Variants in NRXN1 observed in about 807,000 individuals in gnomAD.
NRXN1 encodes neurexin 1.
Under a neutral mutation model 150.9 loss-of-function variants are expected in NRXN1, and 39 were observed. The ratio of observed to expected loss-of-function variants is 0.26; its 90% CI spans 0.20 to 0.34. The LOEUF (loss-of-function observed/expected upper bound fraction) is 0.34. NRXN1 is among the 10% of genes least tolerant of loss of function. NRXN1 has a pLI of 1.00. For synonymous variants in NRXN1, 924 were observed against 757.0 expected, an observed-to-expected ratio of 1.22 and a Z score of -3.62; for missense variants, 1,815 against 1,949.9, an observed-to-expected ratio of 0.93 and a Z score of 1.30.
chr2:50,311,407 A>AG (rs1328954709), intron 17 of NRXN1, among the ~76,000 whole-genome samples: 1 of 152,132 alleles, frequency 6.6e-6, no homozygotes, highest in Non-Finnish European at 1.5e-5. Flanking sequence ...GCTGACAAAT[A>AG]GGAGTGTATT....
At chr2:50,663,113 A>G (rs1160852269) in intron 5 of NRXN1, among the ~76,000 whole-genome samples, 1 of 152,058 alleles carries the variant, frequency 6.6e-6, no homozygotes, top group African/African-American at 2.4e-5. Context: ...AGACATCTTC[A>G]TCTGCTTCGC....
At chr2:50,642,133 A>C (rs1319937416) in intron 5 of NRXN1, among the ~76,000 whole-genome samples, 1 of 152,110 alleles carries the variant, frequency 6.6e-6, no homozygotes, top group Non-Finnish European at 1.5e-5. Flanking sequence ...AGCCCTGAAA[A>C]ATTAATCAAT....
intron 18 of NRXN1, among the ~76,000 whole-genome samples, chr2:50,168,202 G>A (rs915313923): frequency 6.6e-6 from 1 of 152,112 alleles, no homozygotes; most frequent in Admixed American, 6.6e-5. Flanking sequence ...GAGAGACATG[G>A]CAAACATTAC....
At chr2:50,039,320 G>C (rs954765721) in intron 21 of NRXN1, among the ~76,000 whole-genome samples, 17 of 152,132 alleles carry the variant, frequency 1.1e-4, no homozygotes, top group African/African-American at 3.9e-4. Flanking sequence ...ACAAAAATCA[G>C]CTGGGCATGG....
At chr2:50,340,412 TA>T in intron 17 of NRXN1, among the ~76,000 whole-genome samples, 1 of 152,290 alleles carries the variant, frequency 6.6e-6, no homozygotes, top group Middle Eastern at 3.4e-3. Context: ...GGTGCTTTTC[TA>T]AGAGGAAATC....
At chr2:50,792,780 T>G (rs2105616398) in intron 5 of NRXN1, among the ~76,000 whole-genome samples, 1 of 152,162 alleles carries the variant, frequency 6.6e-6, no homozygotes, top group South Asian at 2.1e-4. Context: ...TGTTAGATAC[T>G]TTAGAGAATT....
At chr2:50,844,061 C>T (rs1673259265) in intron 5 of NRXN1, among the ~76,000 whole-genome samples, 1 of 152,288 alleles carries the variant, frequency 6.6e-6, no homozygotes, top group East Asian at 1.9e-4. Context: ...GAAACACGCT[C>T]ACCTGTCCAA....
intron 5 of NRXN1, among the ~76,000 whole-genome samples, chr2:50,702,409 G>A (rs979303739): frequency 2.7e-5 from 4 of 150,926 alleles, no homozygotes; most frequent in Admixed American, 2.6e-4. Flanking sequence ...GTAAAACACA[G>A]AAGAGAAAGC....
At chr2:50,645,838 A>G (rs1182537874) in intron 5 of NRXN1, among the ~76,000 whole-genome samples, 2 of 152,110 alleles carry the variant, frequency 1.3e-5, no homozygotes, top group East Asian at 3.9e-4. Flanking sequence ...AAGATCGAGA[A>G]TAGCTTTTCT....
At chr2:50,352,779 T>TAAC (rs1558582630) in intron 17 of NRXN1, among the ~76,000 whole-genome samples, 1 of 94,346 alleles carries the variant, frequency 1.1e-5, no homozygotes, top group African/African-American at 3.6e-5. Flanking sequence ...ATAATAATAT[T>TAAC]ATAATAATAA....
chr2:49,961,320 GCACACACACACA>G (rs71401054), intron 21 of NRXN1, among the ~76,000 whole-genome samples: 1 of 145,780 alleles, frequency 6.9e-6, no homozygotes, highest in Non-Finnish European at 1.5e-5. Flanking sequence ...GCGCACGCAT[GCACACACACACA>G]CACACACACA....
At chr2:50,107,539 A>ATATATATTT (rs59921941) in intron 18 of NRXN1, among the ~76,000 whole-genome samples, 1,649 of 129,786 alleles carry the variant, frequency 0.013, 22 homozygotes, top group African/African-American at 0.029. Context: ...ATATATATAT[A>ATATATATTT]TTTTTTTTTT....
At chr2:50,654,591 T>G (rs918670412) in intron 5 of NRXN1, among the ~76,000 whole-genome samples, 1 of 152,038 alleles carries the variant, frequency 6.6e-6, no homozygotes, top group East Asian at 2.0e-4. Flanking sequence ...TCTAGATCCC[T>G]GAGGAATCGC....
At chr2:50,245,702 A>C (rs1238808335) in intron 17 of NRXN1, among the ~76,000 whole-genome samples, 2 of 151,874 alleles carry the variant, frequency 1.3e-5, no homozygotes, top group Non-Finnish European at 2.9e-5. Flanking sequence ...TTAGGATTCA[A>C]GAGTCAAGAA....
chr2:50,322,026 T>C (rs1262605492), intron 17 of NRXN1, among the ~76,000 whole-genome samples: 5 of 119,738 alleles, frequency 4.2e-5, no homozygotes, highest in Non-Finnish European at 8.5e-5. Flanking sequence ...CGTAAAAAAT[T>C]ACAACATCAA....
chr2:50,680,141 C>A (rs1202463883), intron 5 of NRXN1, among the ~76,000 whole-genome samples: 1 of 151,896 alleles, frequency 6.6e-6, no homozygotes, highest in African/African-American at 2.4e-5. Context: ...AGAGCAAAGA[C>A]CCTGTCTCAA....
At chr2:50,151,777 T>C (rs1429784449) in intron 18 of NRXN1, among the ~76,000 whole-genome samples, 2 of 151,762 alleles carry the variant, frequency 1.3e-5, no homozygotes, top group Non-Finnish European at 2.9e-5. Flanking sequence ...TTAGTAAGTT[T>C]ACTAAAAATT....
chr2:50,290,718 G>C (rs1323692685), intron 17 of NRXN1, among the ~76,000 whole-genome samples: 1 of 152,154 alleles, frequency 6.6e-6, no homozygotes, highest in Non-Finnish European at 1.5e-5. Flanking sequence ...TTTGGAGTTA[G>C]AATGCTGGTT....
intron 18 of NRXN1, among the ~76,000 whole-genome samples, chr2:50,137,221 T>C (rs1484526226): frequency 3.3e-5 from 5 of 152,100 alleles, no homozygotes; most frequent in African/African-American, 1.2e-4. Flanking sequence ...ATATTATTTG[T>C]CAATTATAAA....
Sources: gnomAD v4.1 joint callset for allele counts (sites outside exome capture counted in the v4.1 genomes callset) on GRCh38, gnomAD v4.1.1 for gene constraint, MANE v1.5 for transcripts, NCBI Gene and HGNC (gene_info 2026-07-23, HGNC 2026-07-21) for gene names.